Variants in DRAM1 observed in about 807,000 individuals in gnomAD.
The protein encoded by DRAM1 is DNA damage regulated autophagy modulator 1.
In DRAM1, 25 loss-of-function variants were observed where a neutral mutation model predicts 28.5. That is an observed-to-expected ratio of 0.88 (90% CI 0.64 to 1.23). The LOEUF (loss-of-function observed/expected upper bound fraction) is 1.23. DRAM1 is among the 50% of genes most tolerant of loss of function. DRAM1 has a pLI of 0.00. For missense variants in DRAM1, 249 were observed against 299.2 expected (o/e 0.83, Z 1.24); for synonymous variants, 113 against 114.2 (o/e 0.99, Z 0.07).
intron 4 of DRAM1, among the ~76,000 whole-genome samples, chr12:101,910,186 C>G (rs567115931): frequency 6.6e-6 from 1 of 152,276 alleles, no homozygotes; most frequent in South Asian, 2.1e-4. Context: ...AATTTACCAA[C>G]AAAATATATA....
intron 1 of DRAM1, among the ~76,000 whole-genome samples, chr12:101,895,410 T>C (rs1351509751): frequency 6.6e-6 from 1 of 150,478 alleles, no homozygotes; most frequent in Non-Finnish European, 1.5e-5. Flanking sequence ...ACTCCTGAGC[T>C]CAAGTGATCT....
At chr12:101,907,614 C>T (rs1873871768) in intron 3 of DRAM1, among the ~76,000 whole-genome samples, 1 of 152,122 alleles carries the variant, frequency 6.6e-6, no homozygotes, top group South Asian at 2.1e-4. Context: ...TGGCACGTGC[C>T]TGTAATCCCA....
At chr12:101,881,980 A>G (rs1038160820) in intron 1 of DRAM1, among the ~76,000 whole-genome samples, 3 of 152,188 alleles carry the variant, frequency 2.0e-5, no homozygotes, top group African/African-American at 7.2e-5. Flanking sequence ...TTACCCCAGG[A>G]CAGGGCAGAT....
chr12:101,902,473 T>C (rs1279318031), intron 3 of DRAM1, among the ~76,000 whole-genome samples: 1 of 152,180 alleles, frequency 6.6e-6, no homozygotes, highest in African/African-American at 2.4e-5. Flanking sequence ...AGTTCTACCA[T>C]CAGGATGCAC....
intron 1 of DRAM1, among the ~76,000 whole-genome samples, chr12:101,888,496 G>A (rs1872970675): frequency 6.6e-6 from 1 of 152,070 alleles, no homozygotes; most frequent in Non-Finnish European, 1.5e-5. Context: ...CATGAAATTA[G>A]TTAATTCTAA....
At chr12:101,907,678 G>A (rs1346814946) in intron 3 of DRAM1, among the ~76,000 whole-genome samples, 2 of 152,210 alleles carry the variant, frequency 1.3e-5, no homozygotes, top group African/African-American at 2.4e-5. Flanking sequence ...GGCGGAGGTT[G>A]CAGTGAGCCG....
At chr12:101,906,053 G>T (rs1022296225) in intron 3 of DRAM1, among the ~76,000 whole-genome samples, 1 of 152,172 alleles carries the variant, frequency 6.6e-6, no homozygotes, top group African/African-American at 2.4e-5. Flanking sequence ...CTCCCAAAGT[G>T]CTGGGATTAC....
intron 5 of DRAM1, among the ~76,000 whole-genome samples, chr12:101,915,177 CA>C (rs1258933032): frequency 6.6e-6 from 1 of 151,934 alleles, no homozygotes; most frequent in Admixed American, 6.6e-5. Flanking sequence ...GATGGGGTTT[CA>C]CCGTATTAGC....
At chr12:101,881,913 C>T (rs1417421604) in intron 1 of DRAM1, among the ~76,000 whole-genome samples, 1 of 152,134 alleles carries the variant, frequency 6.6e-6, no homozygotes, top group Non-Finnish European at 1.5e-5. Context: ...TCCATGAAAG[C>T]TCTCAATATT....
At chr12:101,895,033 G>A (rs1450798191) in intron 1 of DRAM1, among the ~76,000 whole-genome samples, 1 of 152,028 alleles carries the variant, frequency 6.6e-6, no homozygotes, top group Non-Finnish European at 1.5e-5. Flanking sequence ...GTTATGAGCT[G>A]TCTCTGCTTT....
chr12:101,885,525 CTTTTTTTT>C (rs11342964), intron 1 of DRAM1, among the ~76,000 whole-genome samples: 5 of 96,412 alleles, frequency 5.2e-5, no homozygotes, highest in African/African-American at 1.3e-4. Context: ...TCCCACTGGA[CTTTTTTTT>C]TTTTTTTTTT....
chr12:101,887,349 TG>T (rs891906609), intron 1 of DRAM1, among the ~76,000 whole-genome samples: 4 of 152,038 alleles, frequency 2.6e-5, no homozygotes, highest in Non-Finnish European at 4.4e-5. Flanking sequence ...AAACCAAAAT[TG>T]GAAATGAGAT....
At position 101,905,792 on chromosome 12, in the gene DRAM1, T is replaced by G. The variant is rs1015852857; in HGVS notation, c.343-2394T>G. Among the ~76,000 whole-genome samples the G allele has an allele frequency of 2.0e-5, 3 of 151,642 alleles. No homozygotes were observed. In the Admixed American group the frequency reaches 2.0e-4, roughly 10 times the overall value. Reference sequence around the variant, plus strand: ...TTATTTATTTATTTATTTATGTATTTATTTATTTTTTGAGATGGAGTCTCG... The same window carrying G: ...TTATTTATTTATTTATTTATGTATTGATTTATTTTTTGAGATGGAGTCTCG... On this transcript the variant is annotated intron_variant, in intron 3 of 6. Transcript: ENST00000258534.
At chr12:101,897,810 A>AG (rs1485807013) in intron 1 of DRAM1, 53 bp from the exon 2 acceptor site, 110 of 1,302,760 alleles carry the variant, frequency 8.4e-5, no homozygotes, top group Non-Finnish European at 1.1e-4. Flanking sequence ...GTCTTCCCAG[A>AG]GGTCTGGACA....
At chr12:101,882,195 G>A (rs907322910) in intron 1 of DRAM1, among the ~76,000 whole-genome samples, 2 of 143,354 alleles carry the variant, frequency 1.4e-5, no homozygotes, top group South Asian at 2.4e-4. Context: ...TGCAAGCTCC[G>A]CCTCCCGGGT....
intron 3 of DRAM1, among the ~76,000 whole-genome samples, chr12:101,907,118 T>C (rs1873845424): frequency 6.8e-6 from 1 of 146,712 alleles, no homozygotes; most frequent in Admixed American, 6.9e-5. Flanking sequence ...GAGGATCTCT[T>C]GAGCCTGGGA....
At chr12:101,911,466 TC>T (rs1874038863) in intron 4 of DRAM1, among the ~76,000 whole-genome samples, 1 of 152,214 alleles carries the variant, frequency 6.6e-6, no homozygotes, top group Non-Finnish European at 1.5e-5. Flanking sequence ...TTCCTCTGCA[TC>T]AGACCCATGA....
chr12:101,913,108 T>C (rs1017201041), intron 4 of DRAM1, among the ~76,000 whole-genome samples: 17 of 152,278 alleles, frequency 1.1e-4, no homozygotes, highest in African/African-American at 4.1e-4. Context: ...CATTCTAAGT[T>C]CAATCAAAAT....
intron 3 of DRAM1, among the ~76,000 whole-genome samples, chr12:101,902,458 T>C (rs1013324638): frequency 2.0e-5 from 3 of 152,178 alleles, no homozygotes; most frequent in Non-Finnish European, 4.4e-5. Flanking sequence ...AAGTACACGA[T>C]GCATAGTTCT....
Sources: allele counts gnomAD v4.1 joint callset (sites outside exome capture counted in the v4.1 genomes callset), GRCh38; gene constraint gnomAD v4.1.1; transcripts MANE v1.5; gene names NCBI Gene and HGNC (gene_info 2026-07-23, HGNC 2026-07-21).